The following C5orf15 variants were observed in gnomAD, a reference collection of about 807,000 sequenced individuals.
C5orf15 encodes the protein chromosome 5 open reading frame 15.
C5orf15 carries 10 observed loss-of-function variants against 17.8 expected under a neutral mutation model. The ratio of observed to expected loss-of-function variants is 0.56; its 90% CI spans 0.35 to 0.95. The LOEUF (loss-of-function observed/expected upper bound fraction) is 0.95, where lower values mean the gene tolerates loss of function less well. C5orf15 is among the 40% of genes least tolerant of loss of function. C5orf15 has a pLI of 0.02. For missense variants in C5orf15, 319 were observed against 331.7 expected (o/e 0.96, Z 0.30); for synonymous variants, 124 against 131.0 (o/e 0.95, Z 0.36).
intron 1 of C5orf15, among the ~76,000 whole-genome samples, chr5:133,966,445 G>A (rs920659359): frequency 6.6e-6 from 1 of 152,066 alleles, no homozygotes; most frequent in African/African-American, 2.4e-5. Context: ...AGAGAACCAG[G>A]CATTTTTGAA....
chr5:133,959,789 A>G lies in C5orf15; in HGVS notation c.371T>C (p.Ile124Thr). The change falls in exon 2 of 3, where the codon ATA becomes ACA. Residue 124 changes from isoleucine (I) to threonine (T), a missense_variant. Around this residue, in one of 3 missense-constraint regions of C5orf15, gnomAD observed 175 missense variants for 192.4 expected, o/e 0.91. Coordinates refer to ENST00000231512, the MANE Select transcript of C5orf15 (RefSeq NM_020199.3). The part of the protein sequence containing the change: ...EEADNNEDPS[I>T]EEEDLLMLNS... The stretch of plus-strand genomic sequence containing the variant: ...CAGCATGAGAAGATCCTCCTCCTCT[A>G]TACTAGGATCTTCATTGTTATCAGC... 6.2e-7 allele frequency: 1 copy of G among 1,614,084 alleles called. No individual in the cohort carries two copies. The highest frequency in any genetic ancestry group is 8.5e-7 in the Non-Finnish European group (1 of 1,179,968).
Position 133,968,549 on chromosome 5 carries a change from T to C in C5orf15, c.36A>G (p.Pro12=). 1 of 1,610,012 alleles carries C rather than the reference T, an allele frequency of 6.2e-7. No homozygotes were observed. The highest frequency in any genetic ancestry group is 8.5e-7 in the Non-Finnish European group (1 of 1,178,748). Residue 12 remains proline (P), a synonymous_variant, in exon 1 of 3, where the codon CCA becomes CCG. Coordinates refer to ENST00000231512, the MANE Select transcript of C5orf15 (RefSeq NM_020199.3). The part of the protein sequence containing the change: ...AAAVPKRMRG[P]AQAKLLPGSA... ...ACCCGGGCAGCAGTTTCGCTTGTGC[T>C]GGCCCCCTCATCCTCTTCGGGACGG... is the stretch of plus-strand genomic sequence containing the variant.
intron 1 of C5orf15, among the ~76,000 whole-genome samples, chr5:133,963,865 T>A (rs1752155562): frequency 6.6e-6 from 1 of 152,166 alleles, no homozygotes; most frequent in African/African-American, 2.4e-5. Context: ...CAATCAGGCA[T>A]CCTTCAACAG....
At position 133,960,031 on chromosome 5, in the gene C5orf15, C is replaced by CA; in HGVS notation, c.140-12dup. 1 of 1,565,256 alleles carries CA rather than the reference C, an allele frequency of 6.4e-7. No homozygotes were observed. On this transcript the variant is annotated splice_polypyrimidine_tract_variant and intron_variant, in intron 1 of 2. Transcript: ENST00000231512. The stretch of plus-strand genomic sequence containing the variant: ...CAGTCCGTGATACAACTGAAACAAA[C>CA]AAAGAATATCAAACTGAAATCTCCA...
chr5:133,965,820 G>T (rs1245592266), intron 1 of C5orf15, among the ~76,000 whole-genome samples: 1 of 152,226 alleles, frequency 6.6e-6, no homozygotes, highest in Non-Finnish European at 1.5e-5. Flanking sequence ...AGCTATTCAG[G>T]GGGCTGAAGT....
In C5orf15 at chr5:133,959,924, G is replaced by A. The variant is rs764606709; in HGVS notation, c.236C>T (p.Pro79Leu). 6 of 1,613,882 alleles carry A rather than the reference G, an allele frequency of 3.7e-6. No homozygotes were observed. In the African/African-American group the frequency reaches 8.0e-5, roughly 22 times the overall value. ...GGTGGTGCTGATTTGGGAAATAGAA[G>A]GTTTGGTTTGGTTTTCATGTGTTAA... The part of the protein sequence containing the change: ...NALTHENQTK[P>L]SISQISTTLP... Residue 79 changes from proline to leucine, a missense_variant, in exon 2 of 3, where the codon CCT becomes CTT. Pro to Leu is a moderately conservative substitution (Grantham distance 98). Coordinates refer to ENST00000231512, the MANE Select transcript of C5orf15 (RefSeq NM_020199.3).
Position 133,968,513 on chromosome 5 carries a change from T to C in C5orf15, c.72A>G (p.Gln24=), listed in dbSNP as rs1325811432. The C allele has an allele frequency of 1.9e-6, 3 of 1,607,770 alleles. No individual in the cohort carries two copies. In the South Asian group the frequency reaches 3.3e-5, roughly 18 times the overall value. ...QAKLLPGSAI[Q]ALVGLARPLV... ...GCGGCCGCGCCAACCCCACAAGGGC[T>C]TGGATGGCCGACCCGGGCAGCAGTT... Residue 24 remains glutamine, a synonymous_variant, in exon 1 of 3, where the codon CAA becomes CAG. Coordinates refer to ENST00000231512, the MANE Select transcript of C5orf15 (RefSeq NM_020199.3).
intron 1 of C5orf15, chr5:133,967,396 C>T (rs1752212559): frequency 6.6e-6 from 1 of 152,214 alleles, no homozygotes; most frequent in Non-Finnish European, 1.5e-5. Context: ...AACACTATAC[C>T]AGGTCACACT....
In C5orf15 at chr5:133,959,750, G is replaced by A; in HGVS notation, c.410C>T (p.Ser137Phe). Residue 137 changes from serine to phenylalanine, a missense_variant, in exon 2 of 3, where the codon TCC becomes TTC. By Grantham distance (155) the Ser-to-Phe change is radical. Transcript: ENST00000231512. ...ATTGTCTAGAGTGTCTTTGGCTGTG[G>A]ATGGAGAACTGTTCAGCATGAGAAG... is the stretch of plus-strand genomic sequence containing the variant. The part of the protein sequence containing the change: ...EDLLMLNSSP[S>F]TAKDTLDNGD... The A allele has an allele frequency of 1.2e-6, 2 of 1,614,134 alleles. No homozygotes were observed. The highest frequency in any genetic ancestry group is 1.7e-6 in the Non-Finnish European group (2 of 1,180,018).
rs1360359956 is a variant in C5orf15, at chr5:133,956,960, G to A, written c.697C>T (p.Arg233Cys). 3.1e-6 allele frequency: 5 copies of A among 1,610,268 alleles called. No individual in the cohort carries two copies. The highest frequency in any genetic ancestry group is 8.5e-7 in the Non-Finnish European group (1 of 1,178,956). Residue 233 changes from arginine to cysteine, a missense_variant, in exon 3 of 3, where the codon CGT becomes TGT. By Grantham distance (180) the Arg-to-Cys change is radical (BLOSUM62 -3). Transcript: ENST00000231512. ...IFLLVQSRKW[R>C]DGLCSKTVEY... is the part of the protein sequence containing the mutation. ...ACTGTTTTGGAACAAAGGCCATCAC[G>A]CCATTTCCTGCTTTGAACCAGAAGA... is the stretch of plus-strand genomic sequence containing the variant.
chr5:133,958,521 G>C (rs1204583876), intron 2 of C5orf15, among the ~76,000 whole-genome samples: 1 of 136,876 alleles, frequency 7.3e-6, no homozygotes, highest in Non-Finnish European at 1.5e-5. Flanking sequence ...AGGTTGCAGT[G>C]AGCCGAGATC....
chr5:133,960,548 T>C (rs1471795976), intron 1 of C5orf15, among the ~76,000 whole-genome samples: 1 of 152,030 alleles, frequency 6.6e-6, no homozygotes, highest in Admixed American at 6.6e-5. Context: ...TAATTCTAAG[T>C]GATACTTGAA....
In C5orf15 at chr5:133,959,366, C is replaced by T. The variant is rs369711086; in HGVS notation, c.666+128G>A. The T allele has an allele frequency of 5.8e-5, 33 of 570,042 alleles. 1 individual carries two copies. Among genetic ancestry groups the T allele is most frequent in the East Asian group, 4.2e-4 (12 of 28,726 alleles). 35.3% of individuals were successfully genotyped at this position (570,042 alleles called of 1,614,324 possible). On this transcript the variant is annotated intron_variant, in intron 2 of 2. Transcript: ENST00000231512. ...CTGTGATTGTGCCACTGTACTCCAG[C>T]TTGGTTGACAGAGTGAAACCCACTA...
chr5:133,959,939 T>G lies in C5orf15; in HGVS notation c.221A>C (p.Glu74Ala). ...STPNVNALTH[E>A]NQTKPSISQI... is the part of the protein sequence containing the mutation. ...GGAAATAGAAGGTTTGGTTTGGTTT[T>G]CATGTGTTAAAGCATTCACATTTGG... is the stretch of plus-strand genomic sequence containing the variant. The change falls in exon 2 of 3, where the codon GAA (glutamate) becomes GCA (alanine). Residue 74 changes from glutamate (E) to alanine (A), a missense_variant. Around this residue, in one of 3 missense-constraint regions of C5orf15, gnomAD observed 127 missense variants for 95.6 expected, o/e 1.33. Coordinates refer to ENST00000231512, the MANE Select transcript of C5orf15 (RefSeq NM_020199.3). The G allele has an allele frequency of 6.2e-7, 1 of 1,614,132 alleles. No homozygotes were observed. Among genetic ancestry groups the G allele is most frequent in the African/African-American group, 1.3e-5 (1 of 75,006 alleles).
chr5:133,960,657 C>G (rs1336207823), intron 1 of C5orf15, among the ~76,000 whole-genome samples: 1 of 152,122 alleles, frequency 6.6e-6, no homozygotes, highest in Non-Finnish European at 1.5e-5. Context: ...AACCTGAGAG[C>G]TAAGTGACAA....
In C5orf15 at chr5:133,960,020, A is replaced by T; in HGVS notation, c.140T>A (p.Val47Asp). Residue 47 changes from valine (V) to aspartate (D), a missense_variant and splice_region_variant, in exon 2 of 3, where the codon GTT becomes GAT. This residue lies in a region of C5orf15 where 127 missense variants were observed against 95.6 expected (regional missense o/e 1.33). Coordinates refer to ENST00000231512, the MANE Select transcript of C5orf15 (RefSeq NM_020199.3). The part of the protein sequence containing the change: ...LLLVSAALSS[V>D]VSRTDSPSPT... ...GCTCGGTGAATCAGTCCGTGATACA[A>T]CTGAAACAAACAAAGAATATCAAAC... 2 of 1,580,226 alleles carry T rather than the reference A, an allele frequency of 1.3e-6. No homozygotes were observed. Among genetic ancestry groups the T allele is most frequent in the Non-Finnish European group, 1.7e-6 (2 of 1,160,320 alleles).
At chr5:133,961,528 A>C (rs1752124550) in intron 1 of C5orf15, among the ~76,000 whole-genome samples, 1 of 148,548 alleles carries the variant, frequency 6.7e-6, no homozygotes, top group African/African-American at 2.5e-5. Context: ...CCTGGCCGAC[A>C]GAGCAAGACC....
In C5orf15 at chr5:133,968,552, C is replaced by A. The variant is rs145635824; in HGVS notation, c.33G>T (p.Gly11=). 3 of 1,609,886 alleles carry A rather than the reference C, an allele frequency of 1.9e-6. No homozygotes were observed. The highest frequency in any genetic ancestry group is 1.7e-5 in the Admixed American group (1 of 59,642). Residue 11 remains glycine (G), a synonymous_variant, in exon 1 of 3, where the codon GGG becomes GGT. Transcript: ENST00000231512. ...CGGGCAGCAGTTTCGCTTGTGCTGG[C>A]CCCCTCATCCTCTTCGGGACGGCAG... MAAAVPKRMR[G]PAQAKLLPGS... is the part of the protein sequence containing the mutation.
chr5:133,955,922 G>GGTAATT lies in C5orf15; in HGVS notation c.*931_*936dup, dbSNP rs1223174647. 6.6e-6 allele frequency: 1 copy of GGTAATT among 152,040 alleles called. No homozygotes were observed. Among genetic ancestry groups the GGTAATT allele is most frequent in the African/African-American group, 2.4e-5 (1 of 41,398 alleles). The allele number at this position is 152,040 out of a possible 1,614,324, so 9.4% of individuals were successfully genotyped here. On this transcript the variant is annotated 3_prime_UTR_variant, in exon 3 of 3. Coordinates refer to ENST00000231512, the MANE Select transcript of C5orf15 (RefSeq NM_020199.3). The stretch of plus-strand genomic sequence containing the variant: ...AAGAAAACAAGTGTGGGGGAAAAAA[G>GGTAATT]GTAATTGTACACAAATATCCTTTAT...
Sources: allele counts gnomAD v4.1 joint callset (sites outside exome capture counted in the v4.1 genomes callset), GRCh38; gene constraint gnomAD v4.1.1; regional missense constraint gnomAD v4.1.1; transcripts MANE v1.5; gene names NCBI Gene and HGNC (gene_info 2026-07-23, HGNC 2026-07-21).